AGBL4: variants seen among roughly 807,000 people sequenced by gnomAD.
AGBL4 encodes cytosolic carboxypeptidase 6.
In AGBL4, 58 loss-of-function variants were observed where a neutral mutation model predicts 66.4. The observed-to-expected ratio is 0.87, with a 90% CI of 0.71 to 1.09. The LOEUF (loss-of-function observed/expected upper bound fraction) is 1.09. AGBL4 is among the 50% of genes least tolerant of loss of function. The pLI is 0.00. For synonymous variants in AGBL4, 234 were observed against 222.9 expected, an observed-to-expected ratio of 1.05 and a Z score of -0.44; for missense variants, 579 against 631.0, an observed-to-expected ratio of 0.92 and a Z score of 0.88.
chr1:48,643,728 C>A (rs186217076), intron 8 of AGBL4, among the ~76,000 whole-genome samples: 1 of 152,250 alleles, frequency 6.6e-6, no homozygotes, highest in South Asian at 2.1e-4. Flanking sequence ...CCCTCGTTTT[C>A]TCTTCCCAAG....
intron 5 of AGBL4, among the ~76,000 whole-genome samples, chr1:48,994,627 C>A (rs1660861252): frequency 1.3e-5 from 2 of 152,074 alleles, no homozygotes; most frequent in Admixed American, 1.3e-4. Flanking sequence ...TTCCCAAGTT[C>A]AAATACTGAA....
At chr1:49,015,016 C>CA (rs1337728175) in intron 5 of AGBL4, among the ~76,000 whole-genome samples, 1 of 152,126 alleles carries the variant, frequency 6.6e-6, no homozygotes, top group Non-Finnish European at 1.5e-5. Flanking sequence ...TTCCAGCCTA[C>CA]AAAAAACTTC....
At chr1:49,401,089 T>C (rs1421807038) in intron 3 of AGBL4, among the ~76,000 whole-genome samples, 1 of 152,180 alleles carries the variant, frequency 6.6e-6, no homozygotes, top group African/African-American at 2.4e-5. Context: ...TATGAAGAAA[T>C]ACCCAAGACT....
chr1:48,690,930 C>T (rs1013494556), intron 6 of AGBL4, among the ~76,000 whole-genome samples: 3 of 151,958 alleles, frequency 2.0e-5, no homozygotes, highest in Admixed American at 6.6e-5. Context: ...TTTGGGAAGC[C>T]GAGACGGGTG....
intron 3 of AGBL4, among the ~76,000 whole-genome samples, chr1:49,636,797 T>A (rs896260009): frequency 1.1e-4 from 16 of 152,202 alleles, no homozygotes; most frequent in African/African-American, 3.4e-4. Context: ...TTGATCTGCA[T>A]GATCCAATGA....
At chr1:49,237,284 C>A (rs1181070807) in intron 4 of AGBL4, among the ~76,000 whole-genome samples, 1 of 150,226 alleles carries the variant, frequency 6.7e-6, no homozygotes, top group Non-Finnish European at 1.5e-5. Context: ...AAAAAAAAAC[C>A]CCCCAAAAAA....
At chr1:49,915,618 C>T (rs538168069) in intron 1 of AGBL4, among the ~76,000 whole-genome samples, 1 of 152,328 alleles carries the variant, frequency 6.6e-6, no homozygotes, top group African/African-American at 2.4e-5. Context: ...CACTGCAGCT[C>T]AAGGACCCCT....
intron 3 of AGBL4, among the ~76,000 whole-genome samples, chr1:49,278,904 C>T (rs1364809271): frequency 6.6e-6 from 1 of 152,102 alleles, no homozygotes; most frequent in Non-Finnish European, 1.5e-5. Context: ...CATTAATCTG[C>T]TATGTTTAGC....
intron 3 of AGBL4, among the ~76,000 whole-genome samples, chr1:49,511,121 C>T (rs946833493): frequency 6.6e-6 from 1 of 151,870 alleles, no homozygotes; most frequent in Non-Finnish European, 1.5e-5. Flanking sequence ...ACCCAAAGGA[C>T]TATAAATCAT....
chr1:48,916,174 C>T (rs1401319207), intron 5 of AGBL4, among the ~76,000 whole-genome samples: 2 of 152,184 alleles, frequency 1.3e-5, no homozygotes, highest in African/African-American at 4.8e-5. Flanking sequence ...GGCAGCTTGA[C>T]TGAAGAAGAA....
intron 6 of AGBL4, among the ~76,000 whole-genome samples, chr1:48,790,847 A>G (rs1224019300): frequency 6.6e-6 from 1 of 152,204 alleles, no homozygotes; most frequent in Non-Finnish European, 1.5e-5. Context: ...AGCTACTTGG[A>G]AGTCTGAGAC....
intron 3 of AGBL4, among the ~76,000 whole-genome samples, chr1:49,315,298 A>G (rs1457131637): frequency 6.6e-6 from 1 of 152,226 alleles, no homozygotes; most frequent in Admixed American, 6.5e-5. Context: ...ACCCTAGAAG[A>G]AAACCTAGGC....
intron 4 of AGBL4, among the ~76,000 whole-genome samples, chr1:49,236,768 T>A (rs1650783519): frequency 6.6e-6 from 1 of 152,110 alleles, no homozygotes; most frequent in Non-Finnish European, 1.5e-5. Context: ...AATTATCCCA[T>A]TACCAAAAAA....
intron 3 of AGBL4, among the ~76,000 whole-genome samples, chr1:49,327,137 T>C (rs1570442233): frequency 6.6e-6 from 1 of 152,202 alleles, no homozygotes; most frequent in South Asian, 2.1e-4. Context: ...TTAGGCCCAC[T>C]TGGATAATCC....
At chr1:48,862,806 G>A (rs11205560) in intron 6 of AGBL4, among the ~76,000 whole-genome samples, 135,359 of 152,172 alleles carry the variant, frequency 0.89, 60,789 homozygotes, top group Non-Finnish European at 0.96. Context: ...ATGGTATTAT[G>A]CTCCAAACAA....
intron 4 of AGBL4, among the ~76,000 whole-genome samples, chr1:49,127,208 T>C (rs596652): frequency 6.6e-6 from 1 of 152,136 alleles, no homozygotes; most frequent in Non-Finnish European, 1.5e-5. Context: ...TTTTGGATTG[T>C]GAAGAAAGAA....
intron 6 of AGBL4, among the ~76,000 whole-genome samples, chr1:48,710,340 C>T (rs553189496): frequency 2.6e-5 from 4 of 152,238 alleles, no homozygotes; most frequent in Admixed American, 6.5e-5. Flanking sequence ...GATGTATTCA[C>T]TGGAGGAAAC....
chr1:49,256,261 A>G (rs535125406), intron 3 of AGBL4, among the ~76,000 whole-genome samples: 3 of 152,310 alleles, frequency 2.0e-5, no homozygotes, highest in Admixed American at 2.0e-4. Context: ...TTCTATACAT[A>G]TATCAAAACA....
At chr1:48,795,436 C>G (rs1330659019) in intron 6 of AGBL4, among the ~76,000 whole-genome samples, 1 of 150,968 alleles carries the variant, frequency 6.6e-6, no homozygotes, top group Admixed American at 6.6e-5. Flanking sequence ...TTTCTTTTTT[C>G]TTTAACTTTT....
Sources: gnomAD v4.1 joint callset for allele counts (sites outside exome capture counted in the v4.1 genomes callset) on GRCh38, gnomAD v4.1.1 for gene constraint, MANE v1.5 for transcripts, NCBI Gene and HGNC (gene_info 2026-07-23, HGNC 2026-07-21) for gene names.